PCDH15: variants seen among roughly 807,000 people sequenced by gnomAD.
PCDH15 encodes protocadherin-15.
A neutral mutation model predicts 178.5 loss-of-function variants in PCDH15; 129 were observed. The observed-to-expected ratio is 0.72, with a 90% CI of 0.63 to 0.84. The LOEUF is 0.84. Among genes scored for constraint, PCDH15 ranks in the 40% least tolerant of loss-of-function variants. The pLI is 0.00. For missense variants in PCDH15, 2,230 were observed against 2,099.9 expected (o/e 1.06, Z -1.21); for synonymous variants, 800 against 732.0 (o/e 1.09, Z -1.50).
intron 25 of PCDH15, among the ~76,000 whole-genome samples, chr10:53,938,129 C>T (rs977480212): frequency 1.3e-5 from 2 of 151,934 alleles, no homozygotes; most frequent in Non-Finnish European, 2.9e-5. Flanking sequence ...TGTCAGTTCC[C>T]TTCACAAATT....
At chr10:54,085,941 T>A (rs780338760) in intron 16 of PCDH15, among the ~76,000 whole-genome samples, 3 of 152,146 alleles carry the variant, frequency 2.0e-5, no homozygotes, top group Non-Finnish European at 4.4e-5. Flanking sequence ...ACAATAGACA[T>A]GTAAATATTT....
At chr10:53,942,681 T>C (rs1186077631) in intron 23 of PCDH15, among the ~76,000 whole-genome samples, 1 of 152,154 alleles carries the variant, frequency 6.6e-6, no homozygotes, top group African/African-American at 2.4e-5. Flanking sequence ...AGAAACTGAT[T>C]TCTGCCAACA....
At chr10:53,976,064 G>A (rs2090157627) in intron 21 of PCDH15, among the ~76,000 whole-genome samples, 3 of 152,132 alleles carry the variant, frequency 2.0e-5, no homozygotes, top group Non-Finnish European at 4.4e-5. Flanking sequence ...TTTGTCACAT[G>A]TCAGATGGTT....
intron 23 of PCDH15, among the ~76,000 whole-genome samples, chr10:53,955,348 C>T (rs2087508475): frequency 6.6e-6 from 1 of 152,194 alleles, no homozygotes; most frequent in Admixed American, 6.5e-5. Context: ...ACTACCCTAA[C>T]TCAGTCTGAT....
intron 2 of PCDH15, among the ~76,000 whole-genome samples, chr10:54,593,984 G>C (rs1454328061): frequency 1.3e-5 from 2 of 151,956 alleles, no homozygotes; most frequent in Admixed American, 6.6e-5. Flanking sequence ...GGCATTGAGA[G>C]CAGATAGAGA....
chr10:53,823,556 A>G, intron 32 of PCDH15: 1 of 696,712 alleles, frequency 1.4e-6, no homozygotes, highest in Non-Finnish European at 2.6e-6. Context: ...TAGAGTTGTG[A>G]GAAGAATGAG....
intron 14 of PCDH15, among the ~76,000 whole-genome samples, chr10:54,137,605 G>A (rs912164889): frequency 6.6e-6 from 1 of 152,106 alleles, no homozygotes; most frequent in Admixed American, 6.5e-5. Flanking sequence ...TGCCAGACCC[G>A]TCATTCATTA....
intron 8 of PCDH15, among the ~76,000 whole-genome samples, chr10:54,275,123 C>T (rs931164560): frequency 2.6e-5 from 4 of 151,902 alleles, no homozygotes; most frequent in Admixed American, 1.3e-4. Flanking sequence ...CAAAAAGAGA[C>T]ATCAGCAAGC....
intron 2 of PCDH15, among the ~76,000 whole-genome samples, chr10:54,550,563 C>G (rs190412316): frequency 1.3e-5 from 2 of 151,952 alleles, no homozygotes; most frequent in East Asian, 3.9e-4. Flanking sequence ...TTCTGGTTAA[C>G]TGAGACTAAA....
intron 2 of PCDH15, among the ~76,000 whole-genome samples, chr10:55,037,773 A>C (rs574391666): frequency 5.3e-4 from 80 of 152,288 alleles, no homozygotes; most frequent in African/African-American, 1.9e-3. Context: ...TTACAGTTAC[A>C]CTATTTTCGT....
intron 3 of PCDH15, among the ~76,000 whole-genome samples, chr10:54,391,997 G>C (rs752506034): frequency 6.6e-6 from 1 of 152,086 alleles, no homozygotes; most frequent in Non-Finnish European, 1.5e-5. Context: ...ATAGTGTGAG[G>C]CATAATAACA....
intron 2 of PCDH15, among the ~76,000 whole-genome samples, chr10:54,618,829 C>T (rs2093267013): frequency 6.6e-6 from 1 of 151,356 alleles, no homozygotes; most frequent in Admixed American, 6.6e-5. Context: ...CACCATAGAG[C>T]AAAATATATG....
intron 27 of PCDH15, among the ~76,000 whole-genome samples, chr10:53,864,896 T>C (rs1368539923): frequency 6.6e-6 from 1 of 152,164 alleles, no homozygotes; most frequent in Non-Finnish European, 1.5e-5. Flanking sequence ...CAATTCTTTG[T>C]TCAAAACACC....
At chr10:54,220,791 C>A (rs1261235905) in intron 9 of PCDH15, among the ~76,000 whole-genome samples, 2 of 151,466 alleles carry the variant, frequency 1.3e-5, no homozygotes, top group East Asian at 3.9e-4. Flanking sequence ...CGCCACTGCA[C>A]TCCAGCCTGG....
rs1347084014 is a variant in PCDH15, at chr10:53,808,502, T to C, written c.4672-1372A>G. The C allele has an allele frequency of 3.5e-6, 5 of 1,413,486 alleles. No homozygotes were observed. In the South Asian group the frequency reaches 4.9e-5, roughly 14 times the overall value. 87.6% of individuals were successfully genotyped at this position (1,413,486 alleles called of 1,614,324 possible). ...TAGGAAGGATTAGTCAGTTTTACTC[T>C]AATACAGTCTAATATACAAATGGAT... On this transcript the variant is annotated intron_variant, in intron 37 of 37. Coordinates refer to ENST00000644397, the MANE Select transcript of PCDH15 (RefSeq NM_001384140.1).
intron 33 of PCDH15, 68 bp downstream of exon 33, chr10:53,820,097 A>G: frequency 2.5e-6 from 1 of 396,892 alleles, no homozygotes; most frequent in Non-Finnish European, 4.4e-6. Context: ...TACATTTGCA[A>G]AAAGCTGGTG....
intron 3 of PCDH15, among the ~76,000 whole-genome samples, chr10:54,432,425 C>T (rs1294656809): frequency 1.3e-5 from 2 of 152,102 alleles, no homozygotes; most frequent in Non-Finnish European, 2.9e-5. Context: ...AACAAATCCA[C>T]ACATCTATAG....
chr10:54,516,856 G>C (rs1251156108), intron 3 of PCDH15, among the ~76,000 whole-genome samples: 1 of 152,214 alleles, frequency 6.6e-6, no homozygotes, highest in Non-Finnish European at 1.5e-5. Flanking sequence ...AGTAACAGCA[G>C]ATCTCTCGGC....
At chr10:54,088,329 A>G (rs2094547090) in intron 16 of PCDH15, among the ~76,000 whole-genome samples, 1 of 152,174 alleles carries the variant, frequency 6.6e-6, no homozygotes, top group Non-Finnish European at 1.5e-5. Flanking sequence ...TCATATTTCC[A>G]TGTGCTTGTT....
Sources: allele counts gnomAD v4.1 joint callset (sites outside exome capture counted in the v4.1 genomes callset), GRCh38; gene constraint gnomAD v4.1.1; transcripts MANE v1.5; gene names NCBI Gene and HGNC (gene_info 2026-07-23, HGNC 2026-07-21).